LRP1B: variants seen among roughly 807,000 people sequenced by gnomAD.
LRP1B encodes the protein low-density lipoprotein receptor-related protein 1B.
Under a neutral mutation model 556.6 loss-of-function variants are expected in LRP1B, and 217 were observed. The ratio of observed to expected loss-of-function variants is 0.39; its 90% CI spans 0.35 to 0.44. The LOEUF is 0.44. Among genes scored for constraint, LRP1B ranks in the 20% least tolerant of loss-of-function variants. The pLI is 1.00. For missense variants in LRP1B, 5,053 were observed against 5,620.8 expected, an observed-to-expected ratio of 0.90 and a Z score of 3.23; for synonymous variants, 2,047 against 1,865.8, an observed-to-expected ratio of 1.10 and a Z score of -2.50.
chr2:141,955,756 C>A (rs1170682844), intron 1 of LRP1B, among the ~76,000 whole-genome samples: 1 of 152,090 alleles, frequency 6.6e-6, no homozygotes, highest in African/African-American at 2.4e-5. Flanking sequence ...TTTACAGCTA[C>A]CATAATTTCT....
intron 15 of LRP1B, among the ~76,000 whole-genome samples, chr2:141,002,265 G>C (rs1697446513): frequency 6.6e-6 from 1 of 151,952 alleles, no homozygotes; most frequent in Non-Finnish European, 1.5e-5. Context: ...ATTCATATTT[G>C]TGTTCTGAAG....
At chr2:140,358,743 T>C in intron 73 of LRP1B, 78 bp downstream of exon 73, 1 of 1,481,608 alleles carries the variant, frequency 6.7e-7, no homozygotes, top group Non-Finnish European at 9.3e-7. Context: ...AGAAATGTAT[T>C]TTTTAAAATG....
intron 1 of LRP1B, among the ~76,000 whole-genome samples, chr2:141,832,448 C>T (rs1697145186): frequency 6.6e-6 from 1 of 151,352 alleles, no homozygotes; most frequent in South Asian, 2.1e-4. Context: ...ACTACAATAT[C>T]ATCTTTCACA....
At chr2:141,348,668 G>C (rs565171742) in intron 3 of LRP1B, among the ~76,000 whole-genome samples, 9 of 152,050 alleles carry the variant, frequency 5.9e-5, no homozygotes, top group African/African-American at 1.9e-4. Context: ...ATTACTCATA[G>C]AGCACAATTG....
chr2:140,511,047 T>G (rs1173613872), intron 51 of LRP1B, among the ~76,000 whole-genome samples: 1 of 152,046 alleles, frequency 6.6e-6, no homozygotes, highest in Non-Finnish European at 1.5e-5. Flanking sequence ...TGCCCAGAAT[T>G]GATGCTAAAA....
chr2:140,439,258 A>G (rs1383547126), intron 66 of LRP1B, among the ~76,000 whole-genome samples: 2 of 152,202 alleles, frequency 1.3e-5, no homozygotes, highest in Non-Finnish European at 1.5e-5. Context: ...AGACATTCAA[A>G]TCTGGTGTTT....
At chr2:140,674,262 A>AT (rs547652006) in intron 41 of LRP1B, among the ~76,000 whole-genome samples, 44 of 152,112 alleles carry the variant, frequency 2.9e-4, no homozygotes, top group African/African-American at 1.0e-3. Context: ...TTTCTTTGAC[A>AT]TATTTTGGAA....
rs747976749 is a variant in LRP1B at position 140,884,783 on chromosome 2, G to A, written c.3965-762C>T. On this transcript the variant is annotated intron_variant, in intron 24 of 90. Transcript: ENST00000389484. ...GCTGGAATGCAATGGTGTGATCACG[G>A]CTCATTGCAGCCTCAACTTCCAGGG... Among the ~76,000 whole-genome samples, 28 of 152,214 alleles carry A rather than the reference G, an allele frequency of 1.8e-4. No homozygotes were observed. In the East Asian group the frequency reaches 5.0e-3, roughly 27 times the overall value.
At chr2:140,761,975 T>TGATGATGATGAA (rs555466181) in intron 35 of LRP1B, among the ~76,000 whole-genome samples, 261 of 71,880 alleles carry the variant, frequency 3.6e-3, no homozygotes, top group Middle Eastern at 5.7e-3. Context: ...ATGATAACTA[T>TGATGATGATGAA]GATGATGATG....
rs59747381 is a variant in LRP1B at position 140,750,079 on chromosome 2, TACAC to T, written c.5758+19130_5758+19133del. Among the ~76,000 whole-genome samples, 697 of 150,712 alleles carry T rather than the reference TACAC, an allele frequency of 4.6e-3. 7 individuals are homozygous for T. The highest frequency in any genetic ancestry group is 0.014 in the African/African-American group (579 of 41,076). The stretch of plus-strand genomic sequence containing the variant: ...CATGACTGTATATACTGTGCACACG[TACAC>T]ACACACACACACACACACACACACA... On this transcript the variant is annotated intron_variant, in intron 35 of 90. Coordinates refer to ENST00000389484, the MANE Select transcript of LRP1B (RefSeq NM_018557.3).
chr2:140,696,188 T>C (rs1236214328), intron 41 of LRP1B, among the ~76,000 whole-genome samples: 1 of 152,192 alleles, frequency 6.6e-6, no homozygotes, highest in Non-Finnish European at 1.5e-5. Context: ...ACATTTTACA[T>C]CTTACTTATA....
Position 141,248,449 on chromosome 2 carries a change from G to C in LRP1B, c.464-1095C>G, listed in dbSNP as rs418646. ...CTTAGGATTAGAAGGGGAATCTTAA[G>C]TGAAGACTTCGTATTAAACAGTGTG... On this transcript the variant is annotated intron_variant, in intron 4 of 90. Coordinates refer to ENST00000389484, the MANE Select transcript of LRP1B (RefSeq NM_018557.3). Among the ~76,000 whole-genome samples, 1,382 of 152,266 alleles carry C rather than the reference G, an allele frequency of 9.1e-3. 21 individuals are homozygous for C. Among genetic ancestry groups the C allele is most frequent in the African/African-American group, 0.032 (1,315 of 41,542 alleles).
chr2:141,632,802 G>A (rs558881898), intron 2 of LRP1B, among the ~76,000 whole-genome samples: 3 of 148,582 alleles, frequency 2.0e-5, no homozygotes, highest in African/African-American at 7.5e-5. Flanking sequence ...GTGCCAATTA[G>A]TCTGAATCAT....
intron 3 of LRP1B, among the ~76,000 whole-genome samples, chr2:141,379,597 G>A (rs780729528): frequency 2.0e-5 from 3 of 152,084 alleles, no homozygotes; most frequent in Non-Finnish European, 4.4e-5. Context: ...CCACATAATT[G>A]GGAAGTAACT....
intron 2 of LRP1B, among the ~76,000 whole-genome samples, chr2:141,748,727 G>A (rs1488200321): frequency 6.6e-6 from 1 of 152,146 alleles, no homozygotes; most frequent in Non-Finnish European, 1.5e-5. Flanking sequence ...AGATATACTA[G>A]GTTTCTGTGG....
In LRP1B at chr2:140,855,274, C is replaced by T. The variant is rs115867568; in HGVS notation, c.4580-3491G>A. 3.4e-3 allele frequency among the ~76,000 whole-genome samples: 507 copies of T among 150,872 alleles called. 4 individuals are homozygous for T. Among genetic ancestry groups the T allele is most frequent in the African/African-American group, 0.012 (486 of 41,076 alleles). On this transcript the variant is annotated intron_variant, in intron 27 of 90. Coordinates refer to ENST00000389484, the MANE Select transcript of LRP1B (RefSeq NM_018557.3). Reference sequence around the variant, plus strand: ...TCTCCATTTCCTGCATGGATTGTTGCGCTAAACTCCTAACTAATCTTTGAT... The same window carrying T: ...TCTCCATTTCCTGCATGGATTGTTGTGCTAAACTCCTAACTAATCTTTGAT...
chr2:141,882,060 A>G (rs771758024), intron 1 of LRP1B, among the ~76,000 whole-genome samples: 1 of 152,032 alleles, frequency 6.6e-6, no homozygotes, highest in Non-Finnish European at 1.5e-5. Flanking sequence ...TAGGGCCTCA[A>G]GAGATGTTTT....
At chr2:140,478,945 G>C (rs765118362) in intron 59 of LRP1B, among the ~76,000 whole-genome samples, 4 of 151,986 alleles carry the variant, frequency 2.6e-5, no homozygotes, top group Non-Finnish European at 4.4e-5. Context: ...TCTCCTACTA[G>C]ACTACCTATT....
intron 6 of LRP1B, among the ~76,000 whole-genome samples, chr2:141,206,992 G>A (rs998321223): frequency 6.6e-6 from 1 of 152,160 alleles, no homozygotes; most frequent in Non-Finnish European, 1.5e-5. Context: ...AGCTGTGGGT[G>A]CACAATTTCA....
Sources: allele counts gnomAD v4.1 joint callset (sites outside exome capture counted in the v4.1 genomes callset), GRCh38; gene constraint gnomAD v4.1.1; transcripts MANE v1.5; gene names NCBI Gene and HGNC (gene_info 2026-07-23, HGNC 2026-07-21).